The following SLC25A40 variants were observed in gnomAD, a reference collection of about 807,000 sequenced individuals.
The protein encoded by SLC25A40 is mitochondrial glutathione transporter SLC25A40.
A neutral mutation model predicts 46.5 loss-of-function variants in SLC25A40; 41 were observed. The ratio of observed to expected loss-of-function variants is 0.88; its 90% CI spans 0.69 to 1.14. The LOEUF (loss-of-function observed/expected upper bound fraction) is 1.14. Ranked by LOEUF, SLC25A40 falls within the 50% of genes most tolerant of loss-of-function variation. The probability of loss-of-function intolerance (pLI) is 0.00; values close to 1 mark genes in which losing one functional copy is unlikely to be tolerated. For synonymous variants in SLC25A40, 126 were observed against 127.5 expected (o/e 0.99, Z 0.08); for missense variants, 386 against 393.6 (o/e 0.98, Z 0.16).
intron 1 of SLC25A40, among the ~76,000 whole-genome samples, chr7:87,872,866 G>A (rs1478687277): frequency 6.6e-6 from 1 of 152,138 alleles, no homozygotes; most frequent in East Asian, 1.9e-4. Flanking sequence ...CACTTAGGAT[G>A]TCTTCAAGGG....
At chr7:87,875,656 T>C (rs1838988456) in intron 1 of SLC25A40, among the ~76,000 whole-genome samples, 1 of 152,018 alleles carries the variant, frequency 6.6e-6, no homozygotes, top group Non-Finnish European at 1.5e-5. Flanking sequence ...AAAAATGAGA[T>C]GTTACTTTCC....
intron 10 of SLC25A40, among the ~76,000 whole-genome samples, chr7:87,837,440 A>C (rs576591926): frequency 3.3e-5 from 5 of 151,330 alleles, no homozygotes; most frequent in African/African-American, 1.2e-4. Context: ...TTCTGAATGG[A>C]TACGCTATTC....
chr7:87,855,966 C>G (rs895492267), intron 4 of SLC25A40, among the ~76,000 whole-genome samples: 9 of 152,160 alleles, frequency 5.9e-5, no homozygotes, highest in Non-Finnish European at 1.3e-4. Context: ...CATGAATGCT[C>G]TAACATGGGC....
At chr7:87,865,964 T>C (rs919270384) in intron 1 of SLC25A40, among the ~76,000 whole-genome samples, 1 of 152,016 alleles carries the variant, frequency 6.6e-6, no homozygotes, top group African/African-American at 2.4e-5. Context: ...ACACCTGTAA[T>C]TCCAGCTACT....
Position 87,834,687 on chromosome 7 carries a change from T to G in SLC25A40, c.*1562A>C, listed in dbSNP as rs1027446353. ...AAGCATAGCAAAACCAAGATAAATT[T>G]AAATTTAATATTGTTAAAGAGCACT... On this transcript the variant is annotated 3_prime_UTR_variant, in exon 12 of 12. Transcript: ENST00000341119. The G allele has an allele frequency of 6.6e-6, 1 of 151,696 alleles. No individual in the cohort carries two copies. The highest frequency in any genetic ancestry group is 1.5e-5 in the Non-Finnish European group (1 of 67,730). The allele number at this position is 151,696 out of a possible 1,614,324, so 9.4% of individuals were successfully genotyped here. A position where few individuals can be genotyped will look rare whatever the true frequency, so the allele number is the denominator to read the frequency against.
At chr7:87,867,156 T>C (rs1364346475) in intron 1 of SLC25A40, among the ~76,000 whole-genome samples, 1 of 152,248 alleles carries the variant, frequency 6.6e-6, no homozygotes, top group Non-Finnish European at 1.5e-5. Flanking sequence ...TATATCTTTC[T>C]CAAGTTTGGG....
chr7:87,846,851 T>C (rs1562743520), intron 8 of SLC25A40, 98 bp downstream of exon 8: 8 of 1,013,628 alleles, frequency 7.9e-6, no homozygotes, highest in Non-Finnish European at 9.5e-6. Flanking sequence ...GAAAATAACT[T>C]ACCTTTAATG....
intron 7 of SLC25A40, 146 bp downstream of exon 7, chr7:87,847,706 TA>T: frequency 1.4e-6 from 1 of 712,722 alleles, no homozygotes; most frequent in South Asian, 2.9e-5. Flanking sequence ...CTGGAGTACC[TA>T]TACTATATTA....
chr7:87,866,919 T>C (rs933134085), intron 1 of SLC25A40, among the ~76,000 whole-genome samples: 1 of 152,220 alleles, frequency 6.6e-6, no homozygotes, highest in East Asian at 1.9e-4. Flanking sequence ...AACCAATAAA[T>C]TGGGTGGAGC....
At position 87,843,890 on chromosome 7, in the gene SLC25A40, A is replaced by C. The variant is rs763896666; in HGVS notation, c.632-27T>G. Reference sequence around the variant, plus strand: ...TATAAAAACAGAGAATGAAATGAACACATATTTAGAAATAAAATGTGGACT... The same window carrying C: ...TATAAAAACAGAGAATGAAATGAACCCATATTTAGAAATAAAATGTGGACT... On this transcript the variant is annotated intron_variant, in intron 8 of 11. Transcript: ENST00000341119. 3 of 1,513,786 alleles carry C rather than the reference A, an allele frequency of 2.0e-6. No homozygotes were observed. In the South Asian group the frequency reaches 3.5e-5, roughly 18 times the overall value. The allele number at this position is 1,513,786 out of a possible 1,614,324, so 93.8% of individuals were successfully genotyped here.
intron 1 of SLC25A40, among the ~76,000 whole-genome samples, chr7:87,868,915 C>T (rs1020717535): frequency 3.9e-5 from 6 of 152,164 alleles, no homozygotes; most frequent in African/African-American, 1.2e-4. Flanking sequence ...CTAATCATGC[C>T]TTCATTTTTC....
chr7:87,845,625 G>T (rs1406891399), intron 8 of SLC25A40, among the ~76,000 whole-genome samples: 2 of 152,002 alleles, frequency 1.3e-5, no homozygotes, highest in African/African-American at 4.8e-5. Flanking sequence ...GTGCCCAAAA[G>T]GTTGGAGATC....
intron 1 of SLC25A40, among the ~76,000 whole-genome samples, chr7:87,870,592 T>C (rs183491860): frequency 6.6e-6 from 1 of 152,202 alleles, no homozygotes; most frequent in African/African-American, 2.4e-5. Flanking sequence ...ACCTATGACC[T>C]GCCCCACCCT....
In SLC25A40 at chr7:87,858,363, C is replaced by G. The variant is rs1838646431; in HGVS notation, c.97+268G>C. Among the ~76,000 whole-genome samples the G allele has an allele frequency of 3.3e-5, 5 of 152,132 alleles. No individual in the cohort carries two copies. In the South Asian group the frequency reaches 1.0e-3, roughly 32 times the overall value. ...AAGCATGTGATCTTGTGACCTTACTCCCTGTTCTTACACCCCCTCCCCTTT... is the reference window on the plus strand; with the variant it reads ...AAGCATGTGATCTTGTGACCTTACTGCCTGTTCTTACACCCCCTCCCCTTT... On this transcript the variant is annotated intron_variant, in intron 3 of 11. Coordinates refer to ENST00000341119, the MANE Select transcript of SLC25A40 (RefSeq NM_018843.4).
At chr7:87,839,758 T>C (rs1196443204) in intron 10 of SLC25A40, among the ~76,000 whole-genome samples, 1 of 151,774 alleles carries the variant, frequency 6.6e-6, no homozygotes, top group Non-Finnish European at 1.5e-5. Context: ...TGACACAGTA[T>C]AGGTACTCAG....
intron 5 of SLC25A40, 132 bp downstream of exon 5, chr7:87,854,072 G>A: frequency 3.1e-6 from 2 of 638,344 alleles, no homozygotes; most frequent in East Asian, 3.0e-5. Context: ...GTTAACAAAG[G>A]GTTAAAAGCA....
intron 6 of SLC25A40, among the ~76,000 whole-genome samples, chr7:87,848,245 T>A (rs1838451912): frequency 6.6e-6 from 1 of 152,072 alleles, no homozygotes; most frequent in Non-Finnish European, 1.5e-5. Flanking sequence ...ATAAATAGCA[T>A]TAAGTAAGCG....
chr7:87,840,029 T>C (rs892453624), intron 10 of SLC25A40, among the ~76,000 whole-genome samples: 1 of 151,700 alleles, frequency 6.6e-6, no homozygotes, highest in Non-Finnish European at 1.5e-5. Flanking sequence ...CAAGTGCAAT[T>C]TCAACTGAAA....
intron 2 of SLC25A40, among the ~76,000 whole-genome samples, chr7:87,859,874 G>GT (rs932467912): frequency 6.6e-6 from 1 of 152,002 alleles, no homozygotes; most frequent in African/African-American, 2.4e-5. Context: ...AGGAAAGATA[G>GT]TAAGATTGAT....
Sources: gnomAD v4.1 joint callset for allele counts (sites outside exome capture counted in the v4.1 genomes callset) on GRCh38, gnomAD v4.1.1 for gene constraint, MANE v1.5 for transcripts, NCBI Gene and HGNC (gene_info 2026-07-23, HGNC 2026-07-21) for gene names.